Variants in MGAT4C observed in about 807,000 individuals in gnomAD.
The protein encoded by MGAT4C is alpha-1,3-mannosyl-glycoprotein 4-beta-N-acetylglucosaminyltransferase C.
A neutral mutation model predicts 40.1 loss-of-function variants in MGAT4C; 19 were observed. The ratio of observed to expected loss-of-function variants is 0.47; its 90% CI spans 0.33 to 0.70. The LOEUF (loss-of-function observed/expected upper bound fraction) is 0.70, where lower values mean the gene tolerates loss of function less well. Among genes scored for constraint, MGAT4C ranks in the 30% least tolerant of loss-of-function variants. The pLI is 0.02. For missense variants in MGAT4C, 491 were observed against 563.2 expected (o/e 0.87, Z 1.30); for synonymous variants, 181 against 187.1 (o/e 0.97, Z 0.27).
intron 3 of MGAT4C, among the ~76,000 whole-genome samples, chr12:86,386,515 C>T (rs894881375): frequency 2.0e-5 from 3 of 152,168 alleles, no homozygotes; most frequent in Admixed American, 6.5e-5. Flanking sequence ...TTCACAATCA[C>T]AGTTGAAACA....
At chr12:85,996,399 C>A (rs1048013210) in intron 2 of MGAT4C, among the ~76,000 whole-genome samples, 1 of 152,024 alleles carries the variant, frequency 6.6e-6, no homozygotes, top group Admixed American at 6.6e-5. Context: ...AGAAATAATA[C>A]AAATAAAGCA....
chr12:86,027,270 A>G (rs1160296763), intron 2 of MGAT4C, among the ~76,000 whole-genome samples: 1 of 151,942 alleles, frequency 6.6e-6, no homozygotes, highest in African/African-American at 2.4e-5. Context: ...GCTGTATTCC[A>G]TGTTTTCTCA....
At chr12:86,820,588 G>A (rs1241174342) in intron 1 of MGAT4C, among the ~76,000 whole-genome samples, 1 of 150,732 alleles carries the variant, frequency 6.6e-6, no homozygotes, top group Non-Finnish European at 1.5e-5. Flanking sequence ...ATGATCAATA[G>A]TTATTTGAAA....
chr12:86,554,048 A>G (rs1216897228), intron 2 of MGAT4C, among the ~76,000 whole-genome samples: 2 of 151,214 alleles, frequency 1.3e-5, no homozygotes, highest in South Asian at 2.1e-4. Context: ...CTTTTTTTTC[A>G]TAGTTTTCAA....
At chr12:86,076,544 G>A (rs1487456593) in intron 1 of MGAT4C, among the ~76,000 whole-genome samples, 1 of 151,938 alleles carries the variant, frequency 6.6e-6, no homozygotes, top group Non-Finnish European at 1.5e-5. Context: ...CGGAAACTGG[G>A]AAGAAAAAGA....
chr12:86,074,173 C>T (rs569901853), intron 1 of MGAT4C, among the ~76,000 whole-genome samples: 1 of 152,092 alleles, frequency 6.6e-6, no homozygotes, highest in Non-Finnish European at 1.5e-5. Context: ...GTAAGAAGTG[C>T]CTTTCACTTC....
rs564412130 is a variant in MGAT4C at position 86,031,951 on chromosome 12, G to C, written c.-7+17723C>G. 1.4e-4 allele frequency among the ~76,000 whole-genome samples: 22 copies of C among 151,754 alleles called. No homozygotes were observed. In the South Asian group the frequency reaches 2.5e-3, roughly 17 times the overall value. Reference sequence around the variant, plus strand: ...CCTCAAGTGGGCCCTAGTGTCTGTTGTTCTCTTATCTGTGTCCATATGTGC... The same window carrying C: ...CCTCAAGTGGGCCCTAGTGTCTGTTCTTCTCTTATCTGTGTCCATATGTGC... On this transcript the variant is annotated intron_variant, in intron 2 of 4. Transcript: ENST00000611864.
At chr12:86,243,606 C>T (rs1951882515) in intron 1 of MGAT4C, among the ~76,000 whole-genome samples, 2 of 152,264 alleles carry the variant, frequency 1.3e-5, no homozygotes, top group Non-Finnish European at 2.9e-5. Flanking sequence ...AAAGAGCCTC[C>T]TGGCAAGGAA....
intron 3 of MGAT4C, among the ~76,000 whole-genome samples, chr12:86,410,499 G>A (rs1039788384): frequency 6.6e-6 from 1 of 152,144 alleles, no homozygotes; most frequent in Non-Finnish European, 1.5e-5. Context: ...GACCACACAG[G>A]CGGTCAGACC....
At chr12:86,009,922 T>C (rs1196928346) in intron 2 of MGAT4C, among the ~76,000 whole-genome samples, 3 of 152,198 alleles carry the variant, frequency 2.0e-5, no homozygotes, top group African/African-American at 7.2e-5. Context: ...TGCTGAATAT[T>C]TTATCTTTAA....
At chr12:86,491,305 A>T (rs1958129246) in intron 2 of MGAT4C, among the ~76,000 whole-genome samples, 1 of 152,188 alleles carries the variant, frequency 6.6e-6, no homozygotes, top group Admixed American at 6.5e-5. Context: ...TGAGGCCAGC[A>T]TCATCTTGAT....
Position 86,816,896 on chromosome 12 carries a change from A to T in MGAT4C, c.-262+21770T>A, listed in dbSNP as rs1166461895. 2.6e-5 allele frequency among the ~76,000 whole-genome samples: 4 copies of T among 151,144 alleles called. No individual in the cohort carries two copies. The East Asian group carries it at 7.8e-4, about 29-fold the overall frequency. ...TTCTCACTGTTATTATTATTGTATA[A>T]TCCTATATCACTAATAATTTGATAT... On this transcript the variant is annotated intron_variant, in intron 1 of 7. Transcript: ENST00000548651.
At chr12:86,396,893 C>G (rs190977547) in intron 3 of MGAT4C, among the ~76,000 whole-genome samples, 1 of 45,798 alleles carries the variant, frequency 2.2e-5, no homozygotes, top group East Asian at 9.3e-4. Flanking sequence ...TATTTTGTAT[C>G]ATTTCTGCTA....
chr12:86,475,739 G>T (rs1957824895), intron 2 of MGAT4C, among the ~76,000 whole-genome samples: 1 of 151,600 alleles, frequency 6.6e-6, no homozygotes, highest in Non-Finnish European at 1.5e-5. Context: ...CAATATTTTG[G>T]GTACAGCAAC....
intron 4 of MGAT4C, among the ~76,000 whole-genome samples, chr12:86,310,923 C>CA (rs1385287061): frequency 4.6e-5 from 7 of 152,012 alleles, no homozygotes; most frequent in African/African-American, 1.7e-4. Context: ...GACTTCGTCT[C>CA]AAAAAACAAA....
At chr12:86,573,972 C>T (rs1960464318) in intron 2 of MGAT4C, among the ~76,000 whole-genome samples, 1 of 151,786 alleles carries the variant, frequency 6.6e-6, no homozygotes, top group Non-Finnish European at 1.5e-5. Flanking sequence ...AGAAACTACA[C>T]TGACACCAGA....
At chr12:86,596,006 A>T (rs1391594800) in intron 2 of MGAT4C, among the ~76,000 whole-genome samples, 1 of 152,038 alleles carries the variant, frequency 6.6e-6, no homozygotes, top group East Asian at 1.9e-4. Context: ...AGACGCTATT[A>T]ACTAATCCTT....
In MGAT4C at chr12:85,980,415, C is replaced by A. The variant is rs1285374201; in HGVS notation, c.311G>T (p.Gly104Val). The stretch of plus-strand genomic sequence containing the variant: ...TTTTTTTCGCTTTACTGAAGAAAGT[C>A]CAATTGTAAGATACCCTGCAAAAAA... The part of the protein sequence containing the change: ...PLQRKRYLTI[G>V]LSSVKRKKGN... Residue 104 changes from glycine to valine, a missense_variant, in exon 5 of 5, where the codon GGA becomes GTA. Physicochemically the swap from Gly to Val is moderately radical, Grantham distance 109. Transcript: ENST00000611864. 1 of 1,595,456 alleles carries A rather than the reference C, an allele frequency of 6.3e-7. No individual in the cohort carries two copies. Among genetic ancestry groups the A allele is most frequent in the Admixed American group, 1.7e-5 (1 of 57,268 alleles).
intron 3 of MGAT4C, among the ~76,000 whole-genome samples, chr12:86,376,764 C>G (rs1254262109): frequency 7.3e-6 from 1 of 137,454 alleles, no homozygotes; most frequent in Non-Finnish European, 1.6e-5. Context: ...GTACCTACAT[C>G]AAAGAGCAAG....
Sources: allele counts gnomAD v4.1 joint callset (sites outside exome capture counted in the v4.1 genomes callset), GRCh38; gene constraint gnomAD v4.1.1; transcripts MANE v1.5; gene names NCBI Gene and HGNC (gene_info 2026-07-23, HGNC 2026-07-21).